Variants in CEP63 observed in about 807,000 individuals in gnomAD.
CEP63 encodes the protein centrosomal protein of 63 kDa.
CEP63 carries 84 observed loss-of-function variants against 89.1 expected under a neutral mutation model. That is an observed-to-expected ratio of 0.94 (90% CI 0.79 to 1.13). CEP63 has a LOEUF of 1.13. Ranked by LOEUF, CEP63 falls within the 50% of genes most tolerant of loss-of-function variation. The pLI, the probability that CEP63 is intolerant of heterozygous loss-of-function variation, is 0.00. For missense variants in CEP63, 838 were observed against 813.3 expected (o/e 1.03, Z -0.37); for synonymous variants, 267 against 272.5 (o/e 0.98, Z 0.20).
the CEP63 span, among the ~76,000 whole-genome samples, chr3:134,609,424 G>A: frequency 2.0e-5 from 3 of 152,182 alleles, no homozygotes; most frequent in Non-Finnish European, 4.4e-5. Flanking sequence ...GTATCTGTGA[G>A]TACGCGAGCC....
intron 2 of CEP63, among the ~76,000 whole-genome samples, chr3:134,502,581 C>T (rs1013609127): frequency 2.0e-5 from 3 of 152,114 alleles, no homozygotes; most frequent in African/African-American, 7.2e-5. Context: ...TTTTCCATTT[C>T]CTCTAGATTT....
chr3:134,592,472 GT>G (rs1958617470), downstream of CEP63, among the ~76,000 whole-genome samples: 1 of 65,958 alleles, frequency 1.5e-5, no homozygotes, highest in Non-Finnish European at 3.3e-5. Context: ...GCAAACTGGT[GT>G]GTGTGTGTGT....
the CEP63 span, among the ~76,000 whole-genome samples, chr3:134,712,087 T>TTTTG: frequency 2.0e-5 from 3 of 152,180 alleles, no homozygotes; most frequent in South Asian, 6.2e-4. Context: ...TACGTGTGAC[T>TTTTG]TTTGTTTGTT....
intron 2 of CEP63, among the ~76,000 whole-genome samples, chr3:134,505,173 C>A (rs1943135355): frequency 6.6e-6 from 1 of 152,018 alleles, no homozygotes; most frequent in Admixed American, 6.6e-5. Context: ...TGTCCTTTTT[C>A]TTTCCTTTTT....
At chr3:134,678,365 C>T in the CEP63 span, among the ~76,000 whole-genome samples, 2 of 152,212 alleles carry the variant, frequency 1.3e-5, no homozygotes, top group Admixed American at 6.5e-5. Flanking sequence ...TGCTCTTCCT[C>T]TGGTTTCCAC....
chr3:134,586,922 T>C (rs918721318), intron 10 of CEP63, among the ~76,000 whole-genome samples: 1 of 152,206 alleles, frequency 6.6e-6, no homozygotes, highest in Admixed American at 6.5e-5. Flanking sequence ...TCTTATCTTC[T>C]TGCTTTATTT....
At chr3:134,776,070 T>C in the CEP63 span, among the ~76,000 whole-genome samples, 2 of 152,382 alleles carry the variant, frequency 1.3e-5, no homozygotes, top group South Asian at 4.1e-4. Context: ...TGTGGTGTTG[T>C]AGGACTGTGT....
At chr3:134,751,305 G>A in the CEP63 span, among the ~76,000 whole-genome samples, 1 of 152,188 alleles carries the variant, frequency 6.6e-6, no homozygotes, top group Non-Finnish European at 1.5e-5. Flanking sequence ...TGACCTTTTG[G>A]TTATCGTGAA....
At chr3:134,488,185 A>G (rs559655570) in intron 1 of CEP63, 6 of 152,364 alleles carry the variant, frequency 3.9e-5, no homozygotes. Context: ...CACGAACCCT[A>G]TTGTAAACTG....
the CEP63 span, among the ~76,000 whole-genome samples, chr3:134,636,366 G>A: frequency 6.6e-6 from 1 of 152,102 alleles, no homozygotes; most frequent in Non-Finnish European, 1.5e-5. Flanking sequence ...CTTGAATTTG[G>A]GCTGGGCTTT....
At chr3:134,775,987 G>A in the CEP63 span, among the ~76,000 whole-genome samples, 2 of 152,286 alleles carry the variant, frequency 1.3e-5, no homozygotes, top group East Asian at 3.9e-4. Context: ...AAAATTGCCA[G>A]GTATTACCAA....
the CEP63 span, among the ~76,000 whole-genome samples, chr3:134,656,564 T>G: frequency 6.6e-6 from 1 of 152,154 alleles, no homozygotes; most frequent in African/African-American, 2.4e-5. Flanking sequence ...CACCCGAAAC[T>G]GGCCTTCTGG....
the CEP63 span, among the ~76,000 whole-genome samples, chr3:134,708,854 C>T: frequency 1.3e-5 from 2 of 152,006 alleles, no homozygotes; most frequent in African/African-American, 2.4e-5. Flanking sequence ...TGGGGGCAGC[C>T]AATCACAGTC....
chr3:134,580,754 T>C (rs922740247), intron 10 of CEP63, among the ~76,000 whole-genome samples: 2 of 152,156 alleles, frequency 1.3e-5, no homozygotes, highest in Admixed American at 1.3e-4. Context: ...TGATATAACA[T>C]TTGAGAAAAA....
chr3:134,551,783 ATAT>A (rs1481401718), intron 11 of CEP63, 140 bp from the exon 12 acceptor site: 1 of 184,402 alleles, frequency 5.4e-6, no homozygotes, highest in African/African-American at 2.5e-5. Context: ...ATATATATGT[ATAT>A]ATATATATAA....
At chr3:134,558,019 G>C (rs932613265) in intron 12 of CEP63, 123 bp from the exon 13 acceptor site, 2 of 813,546 alleles carry the variant, frequency 2.5e-6, no homozygotes, top group Non-Finnish European at 4.2e-6. Flanking sequence ...TAAAAACAAA[G>C]CTTCATTAAA....
At chr3:134,771,789 AT>A in the CEP63 span, among the ~76,000 whole-genome samples, 2 of 152,060 alleles carry the variant, frequency 1.3e-5, no homozygotes, top group Non-Finnish European at 2.9e-5. Flanking sequence ...CTTAAAGTAT[AT>A]TTTTTTTAAA....
Position 134,559,193 on chromosome 3 carries a change from C to T in CEP63, c.1717C>T (p.His573Tyr). The change falls in exon 14 of 15, where the codon CAC becomes TAC. Residue 573 changes from histidine (H) to tyrosine (Y), a missense_variant. Transcript: ENST00000675561. ...QHRHDGIKTE[H>Y]YKTDLHSPRG... ...CAGACATGATGGAATAAAGACTGAG[C>T]ACTACAAAACAGATCTTCATTCTCC... is the stretch of plus-strand genomic sequence containing the variant. 1.9e-6 allele frequency: 3 copies of T among 1,614,036 alleles called. No homozygotes were observed. The highest frequency in any genetic ancestry group is 2.5e-6 in the Non-Finnish European group (3 of 1,179,942).
the CEP63 span, among the ~76,000 whole-genome samples, chr3:134,742,828 C>T: frequency 6.6e-6 from 1 of 152,222 alleles, no homozygotes; most frequent in Non-Finnish European, 1.5e-5. Context: ...AAGATCCTCA[C>T]AAGATGCTGG....
Sources: allele counts gnomAD v4.1 joint callset (sites outside exome capture counted in the v4.1 genomes callset), GRCh38; gene constraint gnomAD v4.1.1; transcripts MANE v1.5; gene names NCBI Gene and HGNC (gene_info 2026-07-23, HGNC 2026-07-21).